Variants in MED1 observed in about 807,000 individuals in gnomAD.
MED1 encodes the protein mediator of RNA polymerase II transcription subunit 1.
Under a neutral mutation model 121.3 loss-of-function variants are expected in MED1, and 17 were observed. The ratio of observed to expected loss-of-function variants is 0.14; its 90% confidence interval spans 0.10 to 0.21. MED1 has a LOEUF of 0.21. Among genes scored for constraint, MED1 ranks in the 10% least tolerant of loss-of-function variants. The probability of loss-of-function intolerance (pLI) is 1.00; values close to 1 mark genes in which losing one functional copy is unlikely to be tolerated. For synonymous variants in MED1, 661 were observed against 694.4 expected, an observed-to-expected ratio of 0.95 and a Z score of 0.76; for missense variants, 1,558 against 1,919.4, an observed-to-expected ratio of 0.81 and a Z score of 3.52.
At chr17:39,423,103 G>A (rs756337676) in intron 13 of MED1, among the ~76,000 whole-genome samples, 41 of 151,482 alleles carry the variant, frequency 2.7e-4, no homozygotes, top group Non-Finnish European at 5.3e-4. Flanking sequence ...CTGACCTCAC[G>A]ATCCGCCTGC....
intron 3 of MED1, among the ~76,000 whole-genome samples, 188 bp downstream of exon 3, chr17:39,443,362 C>G (rs2048697310): frequency 6.6e-6 from 1 of 152,086 alleles, no homozygotes; most frequent in Non-Finnish European, 1.5e-5. Flanking sequence ...GCCTCCAAAA[C>G]AGGATCAAAA....
rs753231927 is a variant in MED1, at chr17:39,408,753, A to G, written c.3468T>C (p.Ser1156=). Residue 1156 remains serine (S), a synonymous_variant, in exon 17 of 17, where the codon TCT becomes TCC. Coordinates refer to ENST00000300651, the MANE Select transcript of MED1 (RefSeq NM_004774.4). The surrounding 1 kb of genome is among the most constrained non-coding windows in gnomAD (Gnocchi z 4.7). ...TGCTCAGTCCATGCTTGGTTATGGG[A>G]GAGGAGCCTGGCTTCCCCCCAGACT... ...SSQSGGKPGS[S]PITKHGLSSG... 6.2e-7 allele frequency: 1 copy of G among 1,614,164 alleles called. No individual in the cohort carries two copies. The highest frequency in any genetic ancestry group is 8.5e-7 in the Non-Finnish European group (1 of 1,180,028).
rs995946072 is a variant in MED1 at position 39,406,463 on chromosome 17, C to G, written c.*1012G>C. On this transcript the variant is annotated 3_prime_UTR_variant, in exon 17 of 17. Transcript: ENST00000300651. Reference sequence around the variant, plus strand: ...TGTGGAAGTAGGAGAACTATTAATCCTGTAATGGTTTTCATGCCACTGGGT... The same window carrying G: ...TGTGGAAGTAGGAGAACTATTAATCGTGTAATGGTTTTCATGCCACTGGGT... The G allele has an allele frequency of 1.3e-5, 13 of 985,302 alleles. No individual in the cohort carries two copies. The African/African-American group carries it at 2.3e-4, about 17-fold the overall frequency. The allele number at this position is 985,302 out of a possible 1,614,324, so 61.0% of individuals were successfully genotyped here.
At chr17:39,432,578 T>C (rs1254411114) in intron 7 of MED1, among the ~76,000 whole-genome samples, 4 of 147,796 alleles carry the variant, frequency 2.7e-5, no homozygotes, top group South Asian at 2.1e-4. Flanking sequence ...TGAAACCCCG[T>C]CTCTAATAAA....
chr17:39,434,124 T>C (rs1008287379), intron 7 of MED1, 125 bp downstream of exon 7: 1 of 622,924 alleles, frequency 1.6e-6, no homozygotes, highest in Non-Finnish European at 2.8e-6. Flanking sequence ...GAGCTACAGA[T>C]TGCAGTATAA....
chr17:39,405,796 G>T lies in MED1; in HGVS notation c.*1679C>A. ...TGAGACAGGAAAGAAAGCCAAAGCT[G>T]ATTTTCCAACTCTATGCTGACTCCA... is the stretch of plus-strand genomic sequence containing the variant. On this transcript the variant is annotated 3_prime_UTR_variant, in exon 17 of 17. Coordinates refer to ENST00000300651, the MANE Select transcript of MED1 (RefSeq NM_004774.4). The T allele has an allele frequency of 1.0e-6, 1 of 986,318 alleles. No homozygotes were observed. Among genetic ancestry groups the T allele is most frequent in the Non-Finnish European group, 1.2e-6 (1 of 830,438 alleles). 61.1% of individuals were successfully genotyped at this position (986,318 alleles called of 1,614,324 possible). A position where few individuals can be genotyped will look rare whatever the true frequency, so the allele number is the denominator to read the frequency against.
chr17:39,442,489 T>G lies in MED1; in HGVS notation c.211+1061A>C, dbSNP rs542263993. Among the ~76,000 whole-genome samples, 31 of 149,654 alleles carry G rather than the reference T, an allele frequency of 2.1e-4. No homozygotes were observed. In the South Asian group the frequency reaches 6.6e-3, roughly 32 times the overall value. ...GGACGCGCCTGTAGTCCCAGCTGCT[T>G]GGGAGGCTGAGCCAGGAGAATCGCT... On this transcript the variant is annotated intron_variant, in intron 3 of 16. Transcript: ENST00000300651.
intron 16 of MED1, 79 bp from the exon 17 acceptor site, chr17:39,410,800 G>C (rs2048348687): frequency 7.3e-6 from 11 of 1,508,256 alleles, no homozygotes; most frequent in African/African-American, 1.4e-5. Context: ...TAACATCAGA[G>C]TTTTGCAGTA....
rs1246047544 is a variant in MED1, at chr17:39,409,366, C to T, written c.2855G>A (p.Gly952Asp). The T allele has an allele frequency of 1.2e-6, 2 of 1,614,102 alleles. No individual in the cohort carries two copies. Among genetic ancestry groups the T allele is most frequent in the South Asian group, 2.2e-5 (2 of 91,072 alleles). ...AGTGGTCAGTAAAGGACCCTGACTACCACTGTGATGCTCCATAAGATCTGC... is the reference window on the plus strand; with the variant it reads ...AGTGGTCAGTAAAGGACCCTGACTATCACTGTGATGCTCCATAAGATCTGC... The part of the protein sequence containing the change: ...APADLMEHHS[G>D]SQGPLLTTGD... The change falls in exon 17 of 17, where the codon GGT becomes GAT. Residue 952 changes from glycine to aspartate, a missense_variant. Gly to Asp is a moderately conservative substitution (Grantham distance 94). This residue lies in a region of MED1 where 793 missense variants were observed against 898.2 expected (regional missense o/e 0.88). Coordinates refer to ENST00000300651, the MANE Select transcript of MED1 (RefSeq NM_004774.4).
At chr17:39,443,087 C>T (rs2048695209) in intron 3 of MED1, among the ~76,000 whole-genome samples, 1 of 149,024 alleles carries the variant, frequency 6.7e-6, no homozygotes, top group African/African-American at 2.5e-5. Context: ...CTGCAACCTC[C>T]GCCTCCCCAG....
intron 6 of MED1, 46 bp downstream of exon 6, chr17:39,439,118 AC>A: frequency 6.4e-7 from 1 of 1,553,374 alleles, no homozygotes; most frequent in South Asian, 1.2e-5. Flanking sequence ...GCTGTAAAGA[AC>A]AGCACTGTCT....
intron 16 of MED1, among the ~76,000 whole-genome samples, chr17:39,413,822 TTTA>T (rs1249075875): frequency 6.6e-6 from 1 of 151,238 alleles, no homozygotes; most frequent in Non-Finnish European, 1.5e-5. Context: ...ATATCTGTAT[TTTA>T]TTATGGCTTT....
chr17:39,405,535 G>A lies in MED1; in HGVS notation c.*1940C>T. 7.3e-7 allele frequency: 1 copy of A among 1,367,124 alleles called. No homozygotes were observed. Among genetic ancestry groups the A allele is most frequent in the Non-Finnish European group, 9.4e-7 (1 of 1,060,204 alleles). 84.7% of individuals were successfully genotyped at this position (1,367,124 alleles called of 1,614,324 possible). The stretch of plus-strand genomic sequence containing the variant: ...GACAAACTCATGAGAAATCCAACCT[G>A]GCTGAATGTCTGAGAGGCTGCTACT... On this transcript the variant is annotated 3_prime_UTR_variant, in exon 17 of 17. Coordinates refer to ENST00000300651, the MANE Select transcript of MED1 (RefSeq NM_004774.4).
At position 39,423,825 on chromosome 17, in the gene MED1, C is replaced by G; in HGVS notation, c.852-4G>C. On this transcript the variant is annotated splice_polypyrimidine_tract_variant and splice_region_variant and intron_variant, in intron 11 of 16. Transcript: ENST00000300651. ...GATTGAGGAGAAGGAAGGGGTCCTT[C>G]AAAAAAAAGAGGGTGGAAGGGTTGG... is the stretch of plus-strand genomic sequence containing the variant. The G allele has an allele frequency of 1.3e-6, 2 of 1,578,566 alleles. No individual in the cohort carries two copies. Among genetic ancestry groups the G allele is most frequent in the South Asian group, 1.2e-5 (1 of 85,658 alleles).
intron 3 of MED1, among the ~76,000 whole-genome samples, chr17:39,443,282 G>A (rs924416894): frequency 1.3e-5 from 2 of 151,706 alleles, no homozygotes; most frequent in African/African-American, 4.8e-5. Flanking sequence ...TTACAGGAGC[G>A]AGCCACCGCA....
chr17:39,448,376 A>C (rs1188898438), intron 1 of MED1, among the ~76,000 whole-genome samples: 1 of 151,684 alleles, frequency 6.6e-6, no homozygotes, highest in Non-Finnish European at 1.5e-5. Flanking sequence ...TCTCAAAAAA[A>C]AAAAGAAAGA....
At chr17:39,417,275 A>G (rs1288053726) in intron 14 of MED1, among the ~76,000 whole-genome samples, 1 of 151,690 alleles carries the variant, frequency 6.6e-6, no homozygotes, top group African/African-American at 2.4e-5. Flanking sequence ...GGTTGCAGTG[A>G]GTGAAGATCA....
Position 39,404,522 on chromosome 17 carries a change from T to C in MED1, c.*2953A>G, listed in dbSNP as rs973263787. 2 of 152,334 alleles carry C rather than the reference T, an allele frequency of 1.3e-5. No individual in the cohort carries two copies. Among genetic ancestry groups the C allele is most frequent in the Non-Finnish European group, 2.9e-5 (2 of 68,030 alleles). The allele number at this position is 152,334 out of a possible 1,614,324, so 9.4% of individuals were successfully genotyped here. Reference sequence around the variant, plus strand: ...CTCAAAATTTAAAGCTCAGTTCTTATAGCTGAGCATGTTTCCCAATCTAGC... The same window carrying C: ...CTCAAAATTTAAAGCTCAGTTCTTACAGCTGAGCATGTTTCCCAATCTAGC... On this transcript the variant is annotated 3_prime_UTR_variant, in exon 17 of 17. Coordinates refer to ENST00000300651, the MANE Select transcript of MED1 (RefSeq NM_004774.4).
intron 9 of MED1, among the ~76,000 whole-genome samples, chr17:39,430,111 T>G (rs754309379): frequency 1.6e-4 from 24 of 151,752 alleles, no homozygotes; most frequent in Non-Finnish European, 2.9e-4. Context: ...ATTGGTGCAG[T>G]GGCTAATACC....
Sources: allele counts gnomAD v4.1 joint callset (sites outside exome capture counted in the v4.1 genomes callset), GRCh38; gene constraint gnomAD v4.1.1; regional missense constraint gnomAD v4.1.1; non-coding constraint Gnocchi (gnomAD v3.1); transcripts MANE v1.5; gene names NCBI Gene and HGNC (gene_info 2026-07-23, HGNC 2026-07-21).